The following DGKB variants were observed in gnomAD, a reference collection of about 807,000 sequenced individuals.
DGKB encodes the protein 90 kDa diacylglycerol kinase.
DGKB carries 67 observed loss-of-function variants against 114.3 expected under a neutral mutation model. The ratio of observed to expected loss-of-function variants is 0.59; its 90% CI spans 0.48 to 0.72. DGKB has a LOEUF of 0.72. Ranked by LOEUF, DGKB falls within the 30% of genes least tolerant of loss-of-function variation. The pLI, the probability that DGKB is intolerant of heterozygous loss-of-function variation, is 0.00. For synonymous variants in DGKB, 398 were observed against 323.1 expected (o/e 1.23, Z -2.49); for missense variants, 907 against 975.2 (o/e 0.93, Z 0.93).
At chr7:14,228,758 C>T (rs558245154) in intron 23 of DGKB, among the ~76,000 whole-genome samples, 1 of 152,040 alleles carries the variant, frequency 6.6e-6, no homozygotes. Context: ...AATACTCAAC[C>T]TCTACCATTG....
intron 21 of DGKB, among the ~76,000 whole-genome samples, chr7:14,461,832 T>A (rs576479112): frequency 2.0e-5 from 3 of 152,244 alleles, no homozygotes; most frequent in Non-Finnish European, 4.4e-5. Flanking sequence ...ATATCCCTGA[T>A]GAACACTGAT....
chr7:14,292,549 G>A (rs548119790), intron 23 of DGKB, among the ~76,000 whole-genome samples: 4 of 152,244 alleles, frequency 2.6e-5, no homozygotes, highest in African/African-American at 4.8e-5. Context: ...CCCCAAATAG[G>A]AAACTAATTT....
rs1160994513 is a variant in DGKB at position 14,299,706 on chromosome 7, G to A, written c.2122+38809C>T. Among the ~76,000 whole-genome samples the A allele has an allele frequency of 2.0e-5, 3 of 152,044 alleles. No individual in the cohort carries two copies. The East Asian group carries it at 5.8e-4, about 29-fold the overall frequency. The stretch of plus-strand genomic sequence containing the variant: ...AAGGGTATGAGGGGAAGAGGTTTTG[G>A]AAGAAAGGGAAAGAAGCCACAGTGC... On this transcript the variant is annotated intron_variant, in intron 23 of 25. Coordinates refer to ENST00000402815, the MANE Select transcript of DGKB (RefSeq NM_001350709.2).
intron 25 of DGKB, among the ~76,000 whole-genome samples, chr7:14,159,653 G>T (rs572994438): frequency 6.6e-6 from 1 of 152,250 alleles, no homozygotes; most frequent in African/African-American, 2.4e-5. Flanking sequence ...TTTGCTGAAA[G>T]AATGAATAAA....
At chr7:14,282,696 G>A (rs1419608924) in intron 23 of DGKB, among the ~76,000 whole-genome samples, 5 of 151,472 alleles carry the variant, frequency 3.3e-5, no homozygotes, top group African/African-American at 1.2e-4. Flanking sequence ...TGGGATGCAA[G>A]GCAGGTTCAA....
intron 20 of DGKB, among the ~76,000 whole-genome samples, chr7:14,520,021 C>G (rs1219952856): frequency 1.3e-5 from 2 of 151,556 alleles, no homozygotes; most frequent in African/African-American, 2.4e-5. Flanking sequence ...TTAATGGTAT[C>G]TTTTAAAGAA....
chr7:14,666,202 A>G (rs1409289154), intron 13 of DGKB, among the ~76,000 whole-genome samples: 1 of 152,060 alleles, frequency 6.6e-6, no homozygotes, highest in African/African-American at 2.4e-5. Flanking sequence ...AACTTTTGTC[A>G]GGTAATGAAG....
At chr7:14,851,110 G>C (rs1158617471) in intron 1 of DGKB, among the ~76,000 whole-genome samples, 1 of 152,044 alleles carries the variant, frequency 6.6e-6, no homozygotes, top group South Asian at 2.1e-4. Flanking sequence ...ATTGAAATTG[G>C]ACATATATAC....
At chr7:14,182,439 C>G (rs1479126998) in intron 23 of DGKB, among the ~76,000 whole-genome samples, 4 of 151,994 alleles carry the variant, frequency 2.6e-5, no homozygotes, top group African/African-American at 9.7e-5. Context: ...ATATAACTGA[C>G]TCCCTTTTTT....
intron 2 of DGKB, among the ~76,000 whole-genome samples, chr7:14,769,242 G>GAAAT (rs1837021070): frequency 7.9e-6 from 1 of 126,470 alleles, no homozygotes; most frequent in African/African-American, 3.8e-5. Flanking sequence ...AAGAAAGAAA[G>GAAAT]AAAGAAAGAA....
intron 1 of DGKB, among the ~76,000 whole-genome samples, chr7:14,916,349 A>T (rs1266820525): frequency 6.6e-6 from 1 of 152,116 alleles, no homozygotes; most frequent in Non-Finnish European, 1.5e-5. Context: ...CAATCCCATT[A>T]TATAAATAGT....
chr7:14,167,717 G>A (rs1784814237), intron 25 of DGKB, among the ~76,000 whole-genome samples: 1 of 145,560 alleles, frequency 6.9e-6, no homozygotes, highest in African/African-American at 2.8e-5. Context: ...GAATAACATT[G>A]CAAACACTTT....
chr7:14,393,297 T>C (rs1821709246), intron 21 of DGKB, among the ~76,000 whole-genome samples: 1 of 152,102 alleles, frequency 6.6e-6, no homozygotes, highest in Admixed American at 6.6e-5. Flanking sequence ...TCAACAGACC[T>C]GTTTTTATAC....
At chr7:14,339,153 C>T (rs1811183481) in intron 22 of DGKB, among the ~76,000 whole-genome samples, 1 of 151,584 alleles carries the variant, frequency 6.6e-6, no homozygotes, top group African/African-American at 2.4e-5. Flanking sequence ...CAGATTGATG[C>T]CTCATGGTCT....
At chr7:14,792,779 CCT>C (rs1199897875) in intron 2 of DGKB, among the ~76,000 whole-genome samples, 1 of 152,012 alleles carries the variant, frequency 6.6e-6, no homozygotes, top group African/African-American at 2.4e-5. Context: ...ATTATTATCC[CCT>C]GACATTTTTT....
chr7:14,811,987 T>C (rs1843504267), intron 2 of DGKB, among the ~76,000 whole-genome samples: 1 of 152,122 alleles, frequency 6.6e-6, no homozygotes. Flanking sequence ...CCATTCTACC[T>C]GTGTTTCTGC....
intron 22 of DGKB, among the ~76,000 whole-genome samples, chr7:14,341,810 C>A (rs1811648169): frequency 6.6e-6 from 1 of 151,872 alleles, no homozygotes; most frequent in South Asian, 2.1e-4. Flanking sequence ...ATCCACTTAA[C>A]ATGTCAGTTG....
At chr7:14,671,994 C>G (rs755935384) in intron 13 of DGKB, among the ~76,000 whole-genome samples, 1 of 151,994 alleles carries the variant, frequency 6.6e-6, no homozygotes, top group African/African-American at 2.4e-5. Context: ...GAGGTATTTT[C>G]TTTTCCTCTA....
chr7:14,399,924 G>A (rs1324935001), intron 21 of DGKB, among the ~76,000 whole-genome samples: 1 of 151,240 alleles, frequency 6.6e-6, no homozygotes, highest in Non-Finnish European at 1.5e-5. Context: ...GATACACGAA[G>A]GACAATATTA....
Sources: gnomAD v4.1 joint callset for allele counts (sites outside exome capture counted in the v4.1 genomes callset) on GRCh38, gnomAD v4.1.1 for gene constraint, MANE v1.5 for transcripts, NCBI Gene and HGNC (gene_info 2026-07-23, HGNC 2026-07-21) for gene names.